Variants in ADAMTS18 observed in about 807,000 individuals in gnomAD.
ADAMTS18 encodes the protein ADAM metallopeptidase with thrombospondin type 1 motif 18.
ADAMTS18 carries 157 observed loss-of-function variants against 165.9 expected under a neutral mutation model. The ratio of observed to expected loss-of-function variants is 0.95; its 90% CI spans 0.83 to 1.08. The LOEUF (loss-of-function observed/expected upper bound fraction) is 1.08. Ranked by LOEUF, ADAMTS18 falls within the 50% of genes least tolerant of loss-of-function variation. The pLI is 0.00. For synonymous variants in ADAMTS18, 782 were observed against 578.2 expected (o/e 1.35, Z -5.06); for missense variants, 2,040 against 1,534.0 (o/e 1.33, Z -5.51).
chr16:77,364,146 T>C, intron 5 of ADAMTS18, 42 bp downstream of exon 5: 2 of 1,612,420 alleles, frequency 1.2e-6, no homozygotes, highest in East Asian at 2.2e-5. Context: ...ATGACATTTA[T>C]TTTCTTTGGA....
intron 14 of ADAMTS18, 120 bp from the exon 15 acceptor site, chr16:77,321,322 G>A: frequency 5.1e-6 from 7 of 1,362,126 alleles, no homozygotes; most frequent in South Asian, 3.8e-5. Flanking sequence ...TACAGCTTAT[G>A]GTTAAAAATC....
chr16:77,362,737 T>C (rs190923057), intron 6 of ADAMTS18, among the ~76,000 whole-genome samples: 1 of 152,212 alleles, frequency 6.6e-6, no homozygotes, highest in Non-Finnish European at 1.5e-5. Flanking sequence ...AATGATGATA[T>C]GATTCCAAAG....
Position 77,411,976 on chromosome 16 carries a change from C to T in ADAMTS18, c.495+19319G>A, listed in dbSNP as rs371065914. On this transcript the variant is annotated intron_variant, in intron 3 of 22. Coordinates refer to ENST00000282849, the MANE Select transcript of ADAMTS18 (RefSeq NM_199355.4). ...GCACTGGGATTACAGGCAGGAGCCA[C>T]CGAGCCCAGCCAGTGCCCAAAGATT... Among the ~76,000 whole-genome samples the T allele has an allele frequency of 1.1e-3, 161 of 152,176 alleles. 1 individual carries two copies. The highest frequency in any genetic ancestry group is 3.8e-3 in the African/African-American group (159 of 41,540).
At chr16:77,337,967 G>A (rs575161065) in intron 11 of ADAMTS18, among the ~76,000 whole-genome samples, 7 of 149,464 alleles carry the variant, frequency 4.7e-5, no homozygotes, top group African/African-American at 9.9e-5. Context: ...GCAGTGGTGC[G>A]ATCTCGGCTC....
chr16:77,352,555 C>A (rs2056570807), intron 10 of ADAMTS18, among the ~76,000 whole-genome samples: 1 of 152,060 alleles, frequency 6.6e-6, no homozygotes, highest in Non-Finnish European at 1.5e-5. Context: ...TAAAATAAAT[C>A]TTTAAGTAGA....
intron 3 of ADAMTS18, among the ~76,000 whole-genome samples, chr16:77,373,430 G>A (rs923461321): frequency 6.7e-6 from 1 of 149,668 alleles, no homozygotes; most frequent in African/African-American, 2.5e-5. Context: ...CTGCACTCCA[G>A]CCTGGGCGGC....
chr16:77,434,565 C>G (rs1324754729), intron 1 of ADAMTS18, 41 bp downstream of exon 1: 3 of 1,530,656 alleles, frequency 2.0e-6, no homozygotes, highest in Non-Finnish European at 2.6e-6. Flanking sequence ...GTCGGGCGCC[C>G]CCTGCCACCC....
chr16:77,417,057 G>A (rs1458635438), intron 3 of ADAMTS18, among the ~76,000 whole-genome samples: 1 of 152,132 alleles, frequency 6.6e-6, no homozygotes, highest in Non-Finnish European at 1.5e-5. Context: ...ACTTATTTGT[G>A]TTCCCAGGGT....
At chr16:77,418,124 C>T (rs1175859210) in intron 3 of ADAMTS18, among the ~76,000 whole-genome samples, 1 of 152,122 alleles carries the variant, frequency 6.6e-6, no homozygotes. Flanking sequence ...AATTCAAAAG[C>T]AAATACACAT....
At chr16:77,326,108 T>G in intron 12 of ADAMTS18, 70 bp from the exon 13 acceptor site, 1 of 1,470,202 alleles carries the variant, frequency 6.8e-7, no homozygotes, top group Non-Finnish European at 9.4e-7. Context: ...TGCAATAATA[T>G]GAAGAGAGGC....
chr16:77,313,307 G>T (rs1166381925), intron 16 of ADAMTS18, among the ~76,000 whole-genome samples: 2 of 152,042 alleles, frequency 1.3e-5, no homozygotes, highest in Non-Finnish European at 2.9e-5. Flanking sequence ...GGTGGGGGCA[G>T]GGGGGAAGGA....
intron 22 of ADAMTS18, among the ~76,000 whole-genome samples, chr16:77,284,920 G>GT (rs1245402638): frequency 6.6e-6 from 1 of 152,062 alleles, no homozygotes; most frequent in African/African-American, 2.4e-5. Context: ...CTGCAAATGG[G>GT]TTGAGATTAA....
At chr16:77,379,309 A>C (rs141294770) in intron 3 of ADAMTS18, among the ~76,000 whole-genome samples, 294 of 152,240 alleles carry the variant, frequency 1.9e-3, no homozygotes, top group Non-Finnish European at 1.3e-3. Context: ...AAGCAGCAAC[A>C]ATCTCTTTTT....
chr16:77,293,011 G>A (rs1412697053), intron 20 of ADAMTS18, 65 bp downstream of exon 20: 1 of 1,600,700 alleles, frequency 6.2e-7, no homozygotes, highest in Non-Finnish European at 8.5e-7. Context: ...AGTAGAGACA[G>A]GGTTTCACTG....
chr16:77,431,244 G>A, intron 3 of ADAMTS18, 51 bp downstream of exon 3: 1 of 1,602,398 alleles, frequency 6.2e-7, no homozygotes, highest in Non-Finnish European at 8.6e-7. Context: ...GTTCATTCAA[G>A]TTACACAAAA....
intron 3 of ADAMTS18, among the ~76,000 whole-genome samples, chr16:77,396,589 G>C (rs974115311): frequency 6.6e-6 from 1 of 152,154 alleles, no homozygotes; most frequent in African/African-American, 2.4e-5. Flanking sequence ...AAAAACAAAT[G>C]TTGAAGCTGG....
chr16:77,423,468 A>G lies in ADAMTS18; in HGVS notation c.495+7827T>C, dbSNP rs565975638. ...GTTTTGATAATGATATAGTAATAAT[A>G]TCATTCTAACTATGCACATAGAATA... is the stretch of plus-strand genomic sequence containing the variant. On this transcript the variant is annotated intron_variant, in intron 3 of 22. Transcript: ENST00000282849. 3.3e-5 allele frequency among the ~76,000 whole-genome samples: 5 copies of G among 152,324 alleles called. No individual in the cohort carries two copies. In the South Asian group the frequency reaches 1.0e-3, roughly 32 times the overall value.
intron 11 of ADAMTS18, 64 bp from the exon 12 acceptor site, chr16:77,335,968 C>G: frequency 1.9e-6 from 3 of 1,587,872 alleles, no homozygotes; most frequent in Non-Finnish European, 2.6e-6. Flanking sequence ...AGGGAGTTGC[C>G]AACACCTGCA....
chr16:77,325,001 T>A (rs879314849), intron 13 of ADAMTS18, among the ~76,000 whole-genome samples: 3 of 152,216 alleles, frequency 2.0e-5, no homozygotes, highest in Non-Finnish European at 4.4e-5. Context: ...CTCTTTCGAT[T>A]TGGAGGCTCT....
Sources: allele counts gnomAD v4.1 joint callset (sites outside exome capture counted in the v4.1 genomes callset), GRCh38; gene constraint gnomAD v4.1.1; transcripts MANE v1.5; gene names NCBI Gene and HGNC (gene_info 2026-07-23, HGNC 2026-07-21).